CDCA7L: variants seen among roughly 807,000 people sequenced by gnomAD.
CDCA7L encodes the protein cell division cycle-associated 7-like protein.
A neutral mutation model predicts 57.4 loss-of-function variants in CDCA7L; 44 were observed. That is an observed-to-expected ratio of 0.77 (90% CI 0.60 to 0.98). CDCA7L has a LOEUF of 0.98. Among genes scored for constraint, CDCA7L ranks in the 50% least tolerant of loss-of-function variants. The probability of loss-of-function intolerance (pLI) is 0.00; values close to 1 mark genes in which losing one functional copy is unlikely to be tolerated. For missense variants in CDCA7L, 644 were observed against 580.6 expected (o/e 1.11, Z -1.12); for synonymous variants, 236 against 202.8 (o/e 1.16, Z -1.39).
At chr7:21,928,697 G>T (rs1475702891) in intron 1 of CDCA7L, among the ~76,000 whole-genome samples, 2 of 151,500 alleles carry the variant, frequency 1.3e-5, no homozygotes, top group African/African-American at 2.4e-5. Context: ...CAGAAGAAAG[G>T]ATATCAGAGA....
intron 1 of CDCA7L, among the ~76,000 whole-genome samples, chr7:21,922,570 T>A (rs369536925): frequency 1.3e-5 from 2 of 152,282 alleles, no homozygotes; most frequent in East Asian, 3.9e-4. Flanking sequence ...GTGGAACTCA[T>A]AGGGCTCTGT....
intron 1 of CDCA7L, among the ~76,000 whole-genome samples, chr7:21,924,010 G>A (rs1161234331): frequency 6.6e-6 from 1 of 152,046 alleles, no homozygotes; most frequent in African/African-American, 2.4e-5. Context: ...ACTGTCAGTT[G>A]GTATTCAATC....
At chr7:21,943,713 T>C (rs1459393460) in intron 1 of CDCA7L, among the ~76,000 whole-genome samples, 1 of 151,548 alleles carries the variant, frequency 6.6e-6, no homozygotes, top group Non-Finnish European at 1.5e-5. Context: ...CACTGCCAAT[T>C]AGGTCTTCAG....
chr7:21,914,293 A>G (rs1466850227), intron 2 of CDCA7L, among the ~76,000 whole-genome samples: 2 of 152,206 alleles, frequency 1.3e-5, no homozygotes, highest in Admixed American at 1.3e-4. Context: ...ACAATACATG[A>G]GGACGAAAAG....
At chr7:21,911,521 C>T in intron 3 of CDCA7L, 96 bp downstream of exon 3, 1 of 1,405,652 alleles carries the variant, frequency 7.1e-7, no homozygotes, top group Non-Finnish European at 9.4e-7. Flanking sequence ...TAAGAAAAAT[C>T]TTTTCACTTG....
intron 7 of CDCA7L, 145 bp from the exon 8 acceptor site, chr7:21,904,404 G>A: frequency 2.3e-6 from 2 of 877,192 alleles, no homozygotes; most frequent in Admixed American, 3.4e-5. Flanking sequence ...AAGAACCACA[G>A]CATTGTCTCT....
chr7:21,942,706 T>C (rs1006927646), intron 1 of CDCA7L, among the ~76,000 whole-genome samples: 6 of 152,232 alleles, frequency 3.9e-5, no homozygotes, highest in African/African-American at 1.2e-4. Context: ...ATCATTATGA[T>C]CTCTGAGGTT....
intron 1 of CDCA7L, among the ~76,000 whole-genome samples, chr7:21,939,752 CA>C (rs1355030529): frequency 6.6e-6 from 1 of 152,092 alleles, no homozygotes; most frequent in East Asian, 1.9e-4. Context: ...AACCACTTAC[CA>C]GGGGCATTCC....
intron 1 of CDCA7L, chr7:21,944,957 A>G (rs1281013080): frequency 6.6e-6 from 1 of 151,984 alleles, no homozygotes; most frequent in Non-Finnish European, 1.5e-5. Flanking sequence ...TCCCTTTTTA[A>G]AGGTTGTATT....
At chr7:21,928,823 C>T (rs1455457959) in intron 1 of CDCA7L, among the ~76,000 whole-genome samples, 1 of 152,056 alleles carries the variant, frequency 6.6e-6, no homozygotes, top group Admixed American at 6.5e-5. Flanking sequence ...ACCAAATCTA[C>T]GTTTGACTGG....
rs376145188 is a variant in CDCA7L at position 21,945,854 on chromosome 7, C to T, written c.-50G>A. 2.8e-4 allele frequency: 444 copies of T among 1,573,288 alleles called. No homozygotes were observed. The highest frequency in any genetic ancestry group is 1.6e-3 in the African/African-American group (116 of 71,368). ...CTCCCAGCACGCGGCCACGGGAGCC[C>T]GGACTCACCACGGCCCGGCGCACCA... On this transcript the variant is annotated 5_prime_UTR_variant, in exon 1 of 10. Transcript: ENST00000406877.
At chr7:21,941,951 T>C (rs1227023307) in intron 1 of CDCA7L, among the ~76,000 whole-genome samples, 4 of 152,096 alleles carry the variant, frequency 2.6e-5, no homozygotes, top group African/African-American at 7.2e-5. Flanking sequence ...CAGGTCCCCA[T>C]AGCACAGAGC....
chr7:21,910,887 T>C (rs1785297738), intron 3 of CDCA7L, among the ~76,000 whole-genome samples: 3 of 152,080 alleles, frequency 2.0e-5, no homozygotes, highest in African/African-American at 7.3e-5. Flanking sequence ...AGCCAAATTT[T>C]TGCCAAATTA....
At chr7:21,933,347 A>G (rs564147799) in intron 1 of CDCA7L, among the ~76,000 whole-genome samples, 19 of 152,350 alleles carry the variant, frequency 1.2e-4, no homozygotes, top group African/African-American at 4.3e-4. Flanking sequence ...AGACACATGC[A>G]CATGTATGTT....
chr7:21,903,931 G>C, intron 8 of CDCA7L, 179 bp downstream of exon 8: 1 of 511,256 alleles, frequency 2.0e-6, no homozygotes, highest in Non-Finnish European at 3.2e-6. Context: ...TGGTCAGCTT[G>C]CTCTCCTTCC....
Position 21,906,408 on chromosome 7 carries a change from G to A in CDCA7L, c.802C>T (p.Arg268Cys), listed in dbSNP as rs1045499113. The A allele has an allele frequency of 6.8e-6, 11 of 1,613,056 alleles. No homozygotes were observed. The highest frequency in any genetic ancestry group is 2.7e-5 in the African/African-American group (2 of 74,812). ...RAFSEGQITRRMNPTRSARPP... is the reference protein window; with the variant it reads ...RAFSEGQITRCMNPTRSARPP... ...CGCGCACTCCGGGTTGGGTTCATAC[G>A]CCGCGTGATCTGTCCCTCCGAGAAG... The change falls in exon 6 of 10, where the codon CGT becomes TGT. Residue 268 changes from arginine to cysteine, a missense_variant. Transcript: ENST00000406877.
At position 21,902,085 on chromosome 7, in the gene CDCA7L, AACAAAGTTCAGCAT is replaced by A. The variant is rs1784907463; in HGVS notation, c.*223_*236del. ...TTTTTAATAACTGGCAGATATTTTT[AACAAAGTTCAGCAT>A]ACAGACAGGTCTGTGCATACATCTA... On this transcript the variant is annotated 3_prime_UTR_variant, in exon 10 of 10. Coordinates refer to ENST00000406877, the MANE Select transcript of CDCA7L (RefSeq NM_018719.5). The A allele has an allele frequency of 1.9e-6, 1 of 514,572 alleles. No individual in the cohort carries two copies. Among genetic ancestry groups the A allele is most frequent in the South Asian group, 3.1e-5 (1 of 32,392 alleles). 31.9% of individuals were successfully genotyped at this position (514,572 alleles called of 1,614,324 possible).
chr7:21,904,181 G>A lies in CDCA7L; in HGVS notation c.1126C>T (p.Arg376Ter), dbSNP rs1376467091. The A allele has an allele frequency of 1.9e-6, 3 of 1,613,462 alleles. No individual in the cohort carries two copies. Among genetic ancestry groups the A allele is most frequent in the Non-Finnish European group, 2.5e-6 (3 of 1,179,748 alleles). ...AGGCATGGTCCACAGAACTGTCCTC[G>A]CACACCACAGCAACCCTGGTTCCGA... ...VCRNQGCCGV[R>*]GQFCGPCLRN... The change falls in exon 8 of 10, where the codon CGA (arginine) becomes TGA (stop). Residue 376 changes from arginine (R) to a stop codon, truncating the protein, a stop_gained. Transcript: ENST00000406877. LOFTEE classifies it high-confidence loss of function.
chr7:21,933,039 CAT>C (rs1386223086), intron 1 of CDCA7L, among the ~76,000 whole-genome samples: 3 of 151,476 alleles, frequency 2.0e-5, no homozygotes, highest in African/African-American at 4.8e-5. Context: ...TGCCAACAAA[CAT>C]ATGAAAAAAA....
Sources: allele counts gnomAD v4.1 joint callset (sites outside exome capture counted in the v4.1 genomes callset), GRCh38; gene constraint gnomAD v4.1.1; transcripts MANE v1.5; gene names NCBI Gene and HGNC (gene_info 2026-07-23, HGNC 2026-07-21).